The following AREL1 variants were observed in gnomAD, a reference collection of about 807,000 sequenced individuals.
AREL1 encodes apoptosis-resistant E3 ubiquitin protein ligase 1.
In AREL1, 62 loss-of-function variants were observed where a neutral mutation model predicts 99.0. That is an observed-to-expected ratio of 0.63 (90% CI 0.51 to 0.77). The LOEUF (loss-of-function observed/expected upper bound fraction) is 0.77, where lower values mean the gene tolerates loss of function less well. Ranked by LOEUF, AREL1 falls within the 30% of genes least tolerant of loss-of-function variation. The pLI is 0.00. For synonymous variants in AREL1, 380 were observed against 376.5 expected (o/e 1.01, Z -0.11); for missense variants, 879 against 1,027.6 (o/e 0.86, Z 1.98).
At position 74,672,947 on chromosome 14, in the gene AREL1, A is replaced by T; in HGVS notation, c.1306T>A (p.Ser436Thr). ...TTCACCTTGTCCTGAAAGGTCTCAG[A>T]GCCTCCTGGGGAACAGCAAGATCCA... ...IRSLHKNIGG[S>T]ETFQDKVNFF... Residue 436 changes from serine (S) to threonine (T), a missense_variant, in exon 11 of 20, where the codon TCT becomes ACT. Coordinates refer to ENST00000356357, the MANE Select transcript of AREL1 (RefSeq NM_001039479.2). The T allele has an allele frequency of 1.2e-6, 2 of 1,614,148 alleles. No individual in the cohort carries two copies. Among genetic ancestry groups the T allele is most frequent in the Non-Finnish European group, 8.5e-7 (1 of 1,180,016 alleles).
chr14:74,700,667 C>A (rs781458567), intron 1 of AREL1, among the ~76,000 whole-genome samples: 57 of 152,250 alleles, frequency 3.7e-4, no homozygotes, highest in Admixed American at 9.8e-4. Flanking sequence ...GTATTCCCAG[C>A]TACTGGGGAA....
intron 12 of AREL1, 82 bp downstream of exon 12, chr14:74,671,321 CTTTTT>C (rs34340758): frequency 8.7e-5 from 11 of 125,844 alleles, no homozygotes; most frequent in South Asian, 3.4e-4. Flanking sequence ...GTAAGAGTTG[CTTTTT>C]TTTTTTTTTT....
intron 2 of AREL1, among the ~76,000 whole-genome samples, chr14:74,690,303 A>G (rs778437737): frequency 5.9e-5 from 9 of 151,276 alleles, no homozygotes; most frequent in Admixed American, 1.3e-4. Flanking sequence ...AGAAACCAAC[A>G]TAATTGCATA....
intron 1 of AREL1, among the ~76,000 whole-genome samples, chr14:74,709,528 G>C (rs1566708123): frequency 6.6e-6 from 1 of 152,126 alleles, no homozygotes; most frequent in Non-Finnish European, 1.5e-5. Flanking sequence ...GATTGCCCAG[G>C]ACAGAATGGG....
chr14:74,669,874 A>G, intron 14 of AREL1, 73 bp downstream of exon 14: 1 of 1,580,216 alleles, frequency 6.3e-7, no homozygotes, highest in Non-Finnish European at 8.6e-7. Flanking sequence ...AAAATTATTT[A>G]CAAGCCCAGG....
intron 1 of AREL1, chr14:74,698,858 TAAAAA>T (rs547639633): frequency 2.4e-4 from 26 of 110,288 alleles, no homozygotes; most frequent in South Asian, 1.8e-3. Flanking sequence ...ATCCCATCTC[TAAAAA>T]AAAAAAAAAA....
chr14:74,710,501 C>T (rs975206130), intron 1 of AREL1, among the ~76,000 whole-genome samples: 1 of 151,996 alleles, frequency 6.6e-6, no homozygotes, highest in African/African-American at 2.4e-5. Flanking sequence ...ATATATAATA[C>T]TAATGAGTCA....
chr14:74,686,640 A>G (rs957877568), intron 2 of AREL1, among the ~76,000 whole-genome samples: 4 of 152,180 alleles, frequency 2.6e-5, no homozygotes, highest in Admixed American at 2.6e-4. Context: ...CTAGGCTCAG[A>G]TCTGGGAGGG....
intron 18 of AREL1, among the ~76,000 whole-genome samples, chr14:74,664,613 A>ATTTTTTTTTTT: frequency 8.5e-6 from 1 of 117,972 alleles, no homozygotes. Flanking sequence ...CACCCAGCTA[A>ATTTTTTTTTTT]TTTTTTTTTT....
rs1478804677 is a variant in AREL1, at chr14:74,672,847, T to C, written c.1406A>G (p.His469Arg). 33 of 1,614,228 alleles carry C rather than the reference T, an allele frequency of 2.0e-5. No individual in the cohort carries two copies. The highest frequency in any genetic ancestry group is 2.8e-5 in the Non-Finnish European group (33 of 1,180,020). ...HSKVTLKVSR[H>R]ALLESSLKAT... ...TTTACCTACCGATTCCAACAAGGCA[T>C]GTCTGCTGACCTTCAGGGTGACTTT... Residue 469 changes from histidine (H) to arginine (R), a missense_variant, in exon 11 of 20, where the codon CAT becomes CGT. Coordinates refer to ENST00000356357, the MANE Select transcript of AREL1 (RefSeq NM_001039479.2).
chr14:74,674,248 TG>T, intron 8 of AREL1, 137 bp from the exon 9 acceptor site: 1 of 687,034 alleles, frequency 1.5e-6, no homozygotes, highest in Non-Finnish European at 2.4e-6. Context: ...AATAATTTAG[TG>T]AGTACTAAAG....
intron 15 of AREL1, 128 bp from the exon 16 acceptor site, chr14:74,667,722 G>C (rs980145848): frequency 8.0e-7 from 1 of 1,244,020 alleles, no homozygotes; most frequent in Non-Finnish European, 1.1e-6. Context: ...AGTTTCTGCT[G>C]TGCATTCAGC....
At chr14:74,699,345 A>C (rs2090036000) in intron 1 of AREL1, among the ~76,000 whole-genome samples, 1 of 137,228 alleles carries the variant, frequency 7.3e-6, no homozygotes. Flanking sequence ...AGTGACAGTG[A>C]GGGGTGTGTG....
At chr14:74,706,198 G>A (rs1438792048) in intron 1 of AREL1, among the ~76,000 whole-genome samples, 1 of 152,144 alleles carries the variant, frequency 6.6e-6, no homozygotes, top group East Asian at 1.9e-4. Context: ...TTGGACCACT[G>A]AATCTTGGCT....
In AREL1 at chr14:74,695,183, G is replaced by A. The variant is rs1186087859; in HGVS notation, c.-333-2855C>T. Among the ~76,000 whole-genome samples the A allele has an allele frequency of 2.0e-5, 3 of 150,936 alleles. No individual in the cohort carries two copies. In the East Asian group the frequency reaches 5.9e-4, roughly 30 times the overall value. On this transcript the variant is annotated intron_variant, in intron 1 of 19. Transcript: ENST00000356357. Reference sequence around the variant, plus strand: ...CAACCTCCACCTCCTGGGTTCAAGCGATTCTCTTGCCTCAGCCTCCCTAGT... The same window carrying A: ...CAACCTCCACCTCCTGGGTTCAAGCAATTCTCTTGCCTCAGCCTCCCTAGT...
At chr14:74,672,527 AG>A (rs897972119) in intron 11 of AREL1, among the ~76,000 whole-genome samples, 6 of 152,180 alleles carry the variant, frequency 3.9e-5, no homozygotes, top group African/African-American at 1.4e-4. Context: ...ACTTGAGTCC[AG>A]GAGTTCGAGA....
At chr14:74,685,103 C>T (rs1038257647) in intron 3 of AREL1, among the ~76,000 whole-genome samples, 7 of 152,210 alleles carry the variant, frequency 4.6e-5, no homozygotes, top group African/African-American at 1.7e-4. Context: ...GCCCTGCTCC[C>T]TACCTTCCTG....
chr14:74,711,232 T>A (rs1169177057), intron 1 of AREL1, among the ~76,000 whole-genome samples: 1 of 86,220 alleles, frequency 1.2e-5, no homozygotes, highest in African/African-American at 4.9e-5. Context: ...ACTAACTCCG[T>A]CTCAAAAAAA....
chr14:74,712,900 T>C (rs1189592100), intron 1 of AREL1, 33 bp downstream of exon 1: 3 of 618,718 alleles, frequency 4.8e-6, no homozygotes, highest in East Asian at 3.2e-5. Context: ...GCAGGTCTTC[T>C]GGGCTCTGCC....
Sources: gnomAD v4.1 joint callset for allele counts (sites outside exome capture counted in the v4.1 genomes callset) on GRCh38, gnomAD v4.1.1 for gene constraint, MANE v1.5 for transcripts, NCBI Gene and HGNC (gene_info 2026-07-23, HGNC 2026-07-21) for gene names.